Variants in LHFPL3 observed in about 807,000 individuals in gnomAD.
LHFPL3 encodes the protein LHFPL tetraspan subfamily member 3, also known as LHFPL tetraspan subfamily member 3 protein.
LHFPL3 carries 5 observed loss-of-function variants against 19.3 expected under a neutral mutation model. The ratio of observed to expected loss-of-function variants is 0.26; its 90% CI spans 0.14 to 0.54. The LOEUF (loss-of-function observed/expected upper bound fraction) is 0.54, where lower values mean the gene tolerates loss of function less well. Ranked by LOEUF, LHFPL3 falls within the 20% of genes least tolerant of loss-of-function variation. LHFPL3 has a pLI of 0.94. For synonymous variants in LHFPL3, 133 were observed against 126.2 expected, an observed-to-expected ratio of 1.05 and a Z score of -0.36; for missense variants, 249 against 307.4, an observed-to-expected ratio of 0.81 and a Z score of 1.42.
intron 1 of LHFPL3, among the ~76,000 whole-genome samples, chr7:104,464,423 G>A (rs1320030333): frequency 2.0e-5 from 3 of 152,170 alleles, no homozygotes; most frequent in Admixed American, 6.5e-5. Context: ...GTTCTCCAGT[G>A]GGGACTCTGT....
rs564519170 is a variant in LHFPL3, at chr7:104,490,522, C to G, written c.445+161298C>G. ...TAGCAAAATATCCGAAAATCAACCCCTGAGTACCCAGATCCAAGAATTCTC... is the reference window on the plus strand; with the variant it reads ...TAGCAAAATATCCGAAAATCAACCCGTGAGTACCCAGATCCAAGAATTCTC... On this transcript the variant is annotated intron_variant, in intron 1 of 2. Coordinates refer to ENST00000424859, the MANE Select transcript of LHFPL3 (RefSeq NM_199000.3). Among the ~76,000 whole-genome samples the G allele has an allele frequency of 2.0e-5, 3 of 152,180 alleles. No homozygotes were observed. The South Asian group carries it at 6.2e-4, about 32-fold the overall frequency.
chr7:104,780,802 G>A (rs73714120), intron 2 of LHFPL3, among the ~76,000 whole-genome samples: 36,731 of 152,072 alleles, frequency 0.24, 5,136 homozygotes, highest in South Asian at 0.38. Context: ...TCTTCTCCAC[G>A]CAAGCCACAT....
intron 2 of LHFPL3, among the ~76,000 whole-genome samples, chr7:104,892,721 A>T (rs2116708338): frequency 6.6e-6 from 1 of 151,996 alleles, no homozygotes; most frequent in East Asian, 1.9e-4. Flanking sequence ...AAAAAAAAAA[A>T]AAAAAAAAAA....
chr7:104,648,476 C>G (rs1584459932), intron 1 of LHFPL3, among the ~76,000 whole-genome samples: 1 of 152,166 alleles, frequency 6.6e-6, no homozygotes, highest in East Asian at 1.9e-4. Context: ...ATCACAGAAT[C>G]ACAGAATCAA....
At chr7:104,388,702 C>T (rs1378315991) in intron 1 of LHFPL3, among the ~76,000 whole-genome samples, 1 of 152,098 alleles carries the variant, frequency 6.6e-6, no homozygotes, top group African/African-American at 2.4e-5. Flanking sequence ...ACAAGTGGCA[C>T]TTATCCCAGA....
At chr7:104,513,854 A>G (rs555927455) in intron 1 of LHFPL3, among the ~76,000 whole-genome samples, 58 of 152,264 alleles carry the variant, frequency 3.8e-4, no homozygotes, top group African/African-American at 1.3e-3. Context: ...CAAGGTTGAG[A>G]ACCACTGGTT....
chr7:104,690,978 G>A (rs1468021712), intron 1 of LHFPL3, among the ~76,000 whole-genome samples: 1 of 152,236 alleles, frequency 6.6e-6, no homozygotes, highest in Non-Finnish European at 1.5e-5. Flanking sequence ...GGCCCCCATA[G>A]ATGAATCACA....
intron 1 of LHFPL3, among the ~76,000 whole-genome samples, chr7:104,589,618 T>C (rs189499911): frequency 4.4e-4 from 67 of 152,348 alleles, no homozygotes; most frequent in Non-Finnish European, 7.1e-4. Flanking sequence ...AGGATGATGT[T>C]GGCCTCATAA....
intron 2 of LHFPL3, among the ~76,000 whole-genome samples, chr7:104,793,464 G>A (rs1378811821): frequency 2.6e-5 from 4 of 152,170 alleles, no homozygotes; most frequent in African/African-American, 9.7e-5. Context: ...CTGACTCTGG[G>A]TTTACTAAGA....
At chr7:104,637,847 CT>C (rs879072776) in intron 1 of LHFPL3, among the ~76,000 whole-genome samples, 4 of 69,436 alleles carry the variant, frequency 5.8e-5, no homozygotes, top group African/African-American at 1.1e-4. Flanking sequence ...TTTTTTTTAG[CT>C]TTTTTTTTCT....
intron 1 of LHFPL3, among the ~76,000 whole-genome samples, chr7:104,423,641 C>T (rs1173825660): frequency 1.4e-5 from 2 of 145,286 alleles, no homozygotes; most frequent in Admixed American, 1.4e-4. Context: ...GCCTGGGTGA[C>T]AGAGCAAGAC....
In LHFPL3 at chr7:104,714,674, G is replaced by T. The variant is rs182866088; in HGVS notation, c.446-22001G>T. On this transcript the variant is annotated intron_variant, in intron 1 of 2. Coordinates refer to ENST00000424859, the MANE Select transcript of LHFPL3 (RefSeq NM_199000.3). ...AGACATAAGGAATAATCAGTTTGAA[G>T]ATTTTGTTATCTGGAACCCCACCAT... Among the ~76,000 whole-genome samples, 72 of 152,302 alleles carry T rather than the reference G, an allele frequency of 4.7e-4. 1 individual carries two copies. In the East Asian group the frequency reaches 0.012, roughly 25 times the overall value.
chr7:104,770,583 T>G (rs973237507), intron 2 of LHFPL3, among the ~76,000 whole-genome samples: 8 of 152,218 alleles, frequency 5.3e-5, no homozygotes, highest in African/African-American at 1.7e-4. Flanking sequence ...GAGCAGAGAT[T>G]GGAATGTCAC....
intron 1 of LHFPL3, among the ~76,000 whole-genome samples, chr7:104,334,856 G>A (rs1398722406): frequency 6.6e-6 from 1 of 152,050 alleles, no homozygotes; most frequent in African/African-American, 2.4e-5. Flanking sequence ...CATCCAAAAT[G>A]GAGGCTTTAT....
chr7:104,643,223 C>G (rs1335196835), intron 1 of LHFPL3, among the ~76,000 whole-genome samples: 1 of 152,024 alleles, frequency 6.6e-6, no homozygotes, highest in Non-Finnish European at 1.5e-5. Flanking sequence ...TCCTTCTGAC[C>G]CCTTCTTTAC....
intron 1 of LHFPL3, among the ~76,000 whole-genome samples, chr7:104,608,208 GCA>G (rs1791142310): frequency 6.6e-6 from 1 of 152,004 alleles, no homozygotes; most frequent in African/African-American, 2.4e-5. Flanking sequence ...TATGTTTATT[GCA>G]GCACTATTCA....
At chr7:104,487,629 A>G (rs538714987) in intron 1 of LHFPL3, among the ~76,000 whole-genome samples, 1 of 152,312 alleles carries the variant, frequency 6.6e-6, no homozygotes, top group Admixed American at 6.5e-5. Context: ...GCCAGGAATC[A>G]TTTTTCTTTC....
At chr7:104,738,877 G>T (rs1276912962) in intron 2 of LHFPL3, 1 of 152,128 alleles carries the variant, frequency 6.6e-6, no homozygotes, top group Non-Finnish European at 1.5e-5. Context: ...AGAAGGTTTA[G>T]GGATTATCTT....
At chr7:104,673,717 A>G (rs1437795994) in intron 1 of LHFPL3, among the ~76,000 whole-genome samples, 2 of 152,218 alleles carry the variant, frequency 1.3e-5, no homozygotes, top group Non-Finnish European at 2.9e-5. Context: ...GTTTAGAAAC[A>G]TTGCCCATGG....
Sources: gnomAD v4.1 joint callset for allele counts (sites outside exome capture counted in the v4.1 genomes callset) on GRCh38, gnomAD v4.1.1 for gene constraint, MANE v1.5 for transcripts, NCBI Gene and HGNC (gene_info 2026-07-23, HGNC 2026-07-21) for gene names.